Variants in CSMD1 observed in about 807,000 individuals in gnomAD.
CSMD1 encodes the protein CUB and sushi domain-containing protein 1.
CSMD1 carries 213 observed loss-of-function variants against 417.5 expected under a neutral mutation model. That is an observed-to-expected ratio of 0.51 (90% CI 0.46 to 0.57). CSMD1 has a LOEUF of 0.57. Ranked by LOEUF, CSMD1 falls within the 20% of genes least tolerant of loss-of-function variation. The pLI, the probability that CSMD1 is intolerant of heterozygous loss-of-function variation, is 0.00. For synonymous variants in CSMD1, 2,862 were observed against 1,736.8 expected (o/e 1.65, Z -16.11); for missense variants, 6,923 against 4,529.7 (o/e 1.53, Z -15.17).
At chr8:3,479,224 G>T (rs967566957) in intron 11 of CSMD1, among the ~76,000 whole-genome samples, 1 of 152,134 alleles carries the variant, frequency 6.6e-6, no homozygotes, top group African/African-American at 2.4e-5. Flanking sequence ...CAAGGTACTT[G>T]CTTGCTAAAA....
chr8:3,301,809 G>A (rs147830343), intron 25 of CSMD1, among the ~76,000 whole-genome samples: 1 of 152,292 alleles, frequency 6.6e-6, no homozygotes, highest in East Asian at 1.9e-4. Context: ...ATAAAGGATG[G>A]ATTTGGGAAG....
At chr8:3,993,254 C>A (rs1182554020) in intron 5 of CSMD1, among the ~76,000 whole-genome samples, 1 of 152,170 alleles carries the variant, frequency 6.6e-6, no homozygotes, top group Non-Finnish European at 1.5e-5. Flanking sequence ...ATAATAACAA[C>A]ATGAGGAGGG....
At chr8:4,800,171 G>C (rs1244644605) in intron 1 of CSMD1, among the ~76,000 whole-genome samples, 1 of 152,106 alleles carries the variant, frequency 6.6e-6, no homozygotes, top group Non-Finnish European at 1.5e-5. Context: ...GGCCGTGACG[G>C]CTCATGCCTA....
intron 41 of CSMD1, among the ~76,000 whole-genome samples, chr8:3,123,285 G>T (rs1219054421): frequency 5.3e-5 from 8 of 152,056 alleles, no homozygotes; most frequent in Admixed American, 5.2e-4. Context: ...CTCTGCCAGG[G>T]ACCACTCCAG....
At chr8:4,400,371 T>TCA in intron 3 of CSMD1, among the ~76,000 whole-genome samples, 1 of 152,372 alleles carries the variant, frequency 6.6e-6, no homozygotes, top group Non-Finnish European at 1.5e-5. Context: ...CAAATGCTTT[T>TCA]CATTTATATA....
chr8:4,842,008 GA>G (rs1800872559), intron 1 of CSMD1, among the ~76,000 whole-genome samples: 2 of 147,474 alleles, frequency 1.4e-5, no homozygotes, highest in African/African-American at 5.0e-5. Flanking sequence ...GGAAACCCTA[GA>G]AAAAAGCAAT....
intron 1 of CSMD1, among the ~76,000 whole-genome samples, chr8:4,662,757 T>C (rs966638327): frequency 2.6e-5 from 4 of 152,214 alleles, no homozygotes; most frequent in Non-Finnish European, 5.9e-5. Context: ...ACCGTTCCTA[T>C]GGATGATGCT....
intron 12 of CSMD1, among the ~76,000 whole-genome samples, chr8:3,460,355 G>A (rs937875797): frequency 6.6e-6 from 1 of 152,184 alleles, no homozygotes; most frequent in Non-Finnish European, 1.5e-5. Flanking sequence ...GTGTATGTGA[G>A]TGGTGGTGAG....
At chr8:3,524,136 C>A (rs1474623264) in intron 10 of CSMD1, among the ~76,000 whole-genome samples, 1 of 151,730 alleles carries the variant, frequency 6.6e-6, no homozygotes, top group African/African-American at 2.4e-5. Context: ...TACATACACA[C>A]ACACGCACAT....
chr8:3,159,106 C>T (rs1306821969), intron 38 of CSMD1, among the ~76,000 whole-genome samples: 3 of 152,042 alleles, frequency 2.0e-5, no homozygotes, highest in African/African-American at 7.2e-5. Flanking sequence ...TCTCTGTATC[C>T]CCATTCTTCG....
At chr8:2,943,224 A>G (rs1353023215) in intron 68 of CSMD1, among the ~76,000 whole-genome samples, 2 of 150,894 alleles carry the variant, frequency 1.3e-5, no homozygotes, top group African/African-American at 4.9e-5. Context: ...TAAATAATTA[A>G]TTTTTCTTTT....
intron 5 of CSMD1, among the ~76,000 whole-genome samples, chr8:3,873,370 G>C (rs1393658667): frequency 1.3e-5 from 2 of 151,444 alleles, no homozygotes; most frequent in African/African-American, 4.9e-5. Context: ...ATACTATCAA[G>C]ACATAAAAAA....
intron 26 of CSMD1, among the ~76,000 whole-genome samples, chr8:3,276,214 G>T (rs542829446): frequency 3.7e-4 from 57 of 152,260 alleles, no homozygotes; most frequent in African/African-American, 1.2e-3. Flanking sequence ...TACCCCTGCT[G>T]GGAGGTGCCT....
At chr8:4,027,717 C>G (rs1359910193) in intron 4 of CSMD1, among the ~76,000 whole-genome samples, 2 of 151,802 alleles carry the variant, frequency 1.3e-5, no homozygotes, top group African/African-American at 4.8e-5. Context: ...ACATGGGGGC[C>G]CATTGAACAA....
intron 5 of CSMD1, among the ~76,000 whole-genome samples, chr8:3,799,462 G>A (rs540503520): frequency 3.0e-5 from 4 of 135,476 alleles, no homozygotes; most frequent in Admixed American, 2.6e-4. Flanking sequence ...TGTTCTCACT[G>A]TTCAGTTCCC....
At chr8:4,241,217 G>C (rs1341366144) in intron 3 of CSMD1, among the ~76,000 whole-genome samples, 1 of 152,144 alleles carries the variant, frequency 6.6e-6, no homozygotes, top group Non-Finnish European at 1.5e-5. Context: ...ATGACTTGTA[G>C]CACACTAGAA....
intron 25 of CSMD1, among the ~76,000 whole-genome samples, chr8:3,299,760 A>G (rs1289718882): frequency 1.3e-5 from 2 of 152,200 alleles, no homozygotes; most frequent in South Asian, 2.1e-4. Context: ...AAAAGTCAAC[A>G]TAGGAAAGGT....
At chr8:3,403,547 C>G (rs575878900) in intron 15 of CSMD1, among the ~76,000 whole-genome samples, 2 of 152,214 alleles carry the variant, frequency 1.3e-5, no homozygotes, top group South Asian at 2.1e-4. Flanking sequence ...TGCCTTTAAC[C>G]TCATCCTGTT....
At chr8:3,574,506 C>A (rs905468337) in intron 10 of CSMD1, among the ~76,000 whole-genome samples, 2 of 152,148 alleles carry the variant, frequency 1.3e-5, no homozygotes, top group African/African-American at 2.4e-5. Context: ...TTTGGCCTCC[C>A]AAAGTGCTGG....
Sources: gnomAD v4.1 joint callset for allele counts (sites outside exome capture counted in the v4.1 genomes callset) on GRCh38, gnomAD v4.1.1 for gene constraint, MANE v1.5 for transcripts, NCBI Gene and HGNC (gene_info 2026-07-23, HGNC 2026-07-21) for gene names.